The following FBH1 variants were observed in gnomAD, a reference collection of about 807,000 sequenced individuals.
FBH1 encodes the protein DNA 3'-5' helicase 1.
FBH1 carries 43 observed loss-of-function variants against 115.5 expected under a neutral mutation model. That is an observed-to-expected ratio of 0.37 (90% CI 0.29 to 0.48). FBH1 has a LOEUF of 0.48. Among genes scored for constraint, FBH1 ranks in the 20% least tolerant of loss-of-function variants. The probability of loss-of-function intolerance (pLI) is 0.99; values close to 1 mark genes in which losing one functional copy is unlikely to be tolerated. For synonymous variants in FBH1, 524 were observed against 507.8 expected (o/e 1.03, Z -0.43); for missense variants, 1,001 against 1,337.3 (o/e 0.75, Z 3.92).
chr10:5,893,123 C>T (rs1203733639), intron 1 of FBH1, among the ~76,000 whole-genome samples: 6 of 152,142 alleles, frequency 3.9e-5, no homozygotes, highest in African/African-American at 1.4e-4. Flanking sequence ...CTGGGCAACA[C>T]GGTGAAATCC....
intron 18 of FBH1, among the ~76,000 whole-genome samples, chr10:5,927,220 A>T (rs1158423016): frequency 6.6e-6 from 1 of 152,232 alleles, no homozygotes; most frequent in African/African-American, 2.4e-5. Context: ...AGCAGGACTA[A>T]ATAAAACCCG....
In FBH1 at chr10:5,918,485, G is replaced by A. The variant is rs772562505; in HGVS notation, c.2100+7G>A. 13 of 1,586,612 alleles carry A rather than the reference G, an allele frequency of 8.2e-6. No homozygotes were observed. The highest frequency in any genetic ancestry group is 8.5e-6 in the Non-Finnish European group (10 of 1,169,960). On this transcript the variant is annotated splice_region_variant and intron_variant, in intron 13 of 20. Coordinates refer to ENST00000362091, the MANE Select transcript of FBH1 (RefSeq NM_178150.3). This position sits in a 1 kb window ranked among gnomAD's most constrained non-coding sequence, Gnocchi z 4.0. ...CGTCTTCTATCTCACGCAGGTAAGT[G>A]CGCACTCTGCATGGGAGGCATTGCA...
In FBH1 at chr10:5,924,229, A is replaced by C; in HGVS notation, c.2399-82A>C. The C allele has an allele frequency of 7.2e-7, 1 of 1,395,386 alleles. No homozygotes were observed. Among genetic ancestry groups the C allele is most frequent in the South Asian group, 1.2e-5 (1 of 83,702 alleles). The allele number at this position is 1,395,386 out of a possible 1,614,324, so 86.4% of individuals were successfully genotyped here. A position where few individuals can be genotyped will look rare whatever the true frequency, so the allele number is the denominator to read the frequency against. ...ACTTTAAGACCATCTGCTCTTGCGC[A>C]GCTGCTTAGGAACGTGCAGCACCTG... On this transcript the variant is annotated intron_variant, in intron 16 of 20. Coordinates refer to ENST00000362091, the MANE Select transcript of FBH1 (RefSeq NM_178150.3). This position sits in a 1 kb window ranked among gnomAD's most constrained non-coding sequence, Gnocchi z 6.2.
In FBH1 at chr10:5,917,356, G is replaced by A; in HGVS notation, c.1789-64G>A. 1 of 1,383,134 alleles carries A rather than the reference G, an allele frequency of 7.2e-7. No homozygotes were observed. Among genetic ancestry groups the A allele is most frequent in the Non-Finnish European group, 1.0e-6 (1 of 979,166 alleles). 85.7% of individuals were successfully genotyped at this position (1,383,134 alleles called of 1,614,324 possible). A position where few individuals can be genotyped will look rare whatever the true frequency, so the allele number is the denominator to read the frequency against. ...ACTGCTGTATGGGAGTTGACAGTGT[G>A]ACCGCAGGGTGCTGCCTTTGCCAGG... On this transcript the variant is annotated intron_variant, in intron 10 of 20. Coordinates refer to ENST00000362091, the MANE Select transcript of FBH1 (RefSeq NM_178150.3). The surrounding 1 kb of genome is among the most constrained non-coding windows in gnomAD (Gnocchi z 5.6).
rs144061525 is a variant in FBH1 at position 5,910,075 on chromosome 10, A to G, written c.1020+781A>G. On this transcript the variant is annotated intron_variant, in intron 5 of 20. Coordinates refer to ENST00000362091, the MANE Select transcript of FBH1 (RefSeq NM_178150.3). The surrounding 1 kb of genome is among the most constrained non-coding windows in gnomAD (Gnocchi z 4.8). ...GGCGGGTGGATCACCTGAGGTCAGG[A>G]GTTCGAGACCAGCCTGGCCAACATG... Among the ~76,000 whole-genome samples, 2,969 of 152,234 alleles carry G rather than the reference A, an allele frequency of 0.02. 83 individuals are homozygous for G. The highest frequency in any genetic ancestry group is 0.068 in the African/African-American group (2,826 of 41,528).
rs74622161 is a variant in FBH1, at chr10:5,904,176, C to T, written c.157+1001C>T. ...CTCCCAAGTAGCTGGGACTTACAGG[C>T]GCGCGCCACCATGCCTAGCTAATTT... On this transcript the variant is annotated intron_variant, in intron 2 of 20. Coordinates refer to ENST00000362091, the MANE Select transcript of FBH1 (RefSeq NM_178150.3). 5.3e-4 allele frequency among the ~76,000 whole-genome samples: 81 copies of T among 151,964 alleles called. No homozygotes were observed. In the East Asian group the frequency reaches 6.2e-3, roughly 12 times the overall value.
At chr10:5,926,916 A>G (rs1358903681) in intron 18 of FBH1, among the ~76,000 whole-genome samples, 1 of 152,250 alleles carries the variant, frequency 6.6e-6, no homozygotes, top group Non-Finnish European at 1.5e-5. Context: ...CACAGCACAT[A>G]GCACACCTGT....
At chr10:5,894,161 TG>T (rs1288299212) in intron 1 of FBH1, 1 of 985,316 alleles carries the variant, frequency 1.0e-6, no homozygotes, top group East Asian at 1.1e-4. Flanking sequence ...AGTGAATACC[TG>T]GGAAAGGAGC....
At position 5,917,744 on chromosome 10, in the gene FBH1, A is replaced by G; in HGVS notation, c.1963+68A>G. ...AACAGCGCCATGATTATGTAAGAGG[A>G]CACCTGTGTGAACTAAGTTGATTAT... On this transcript the variant is annotated intron_variant, in intron 12 of 20. Transcript: ENST00000362091. The surrounding 1 kb of genome is among the most constrained non-coding windows in gnomAD (Gnocchi z 5.6). 3 of 1,178,896 alleles carry G rather than the reference A, an allele frequency of 2.5e-6. No individual in the cohort carries two copies. Among genetic ancestry groups the G allele is most frequent in the Non-Finnish European group, 3.7e-6 (3 of 802,134 alleles). 73.0% of individuals were successfully genotyped at this position (1,178,896 alleles called of 1,614,324 possible). A position where few individuals can be genotyped will look rare whatever the true frequency, so the allele number is the denominator to read the frequency against.
chr10:5,905,782 G>A (rs763682481), intron 2 of FBH1, among the ~76,000 whole-genome samples: 1 of 152,162 alleles, frequency 6.6e-6, no homozygotes, highest in Non-Finnish European at 1.5e-5. Context: ...TTACTGCAGG[G>A]AGTATTGCTG....
rs1302687176 is a variant in FBH1, at chr10:5,921,165, G to A, written c.2101-93G>A. The A allele has an allele frequency of 1.4e-5, 17 of 1,224,806 alleles. No individual in the cohort carries two copies. The East Asian group carries it at 3.8e-4, about 27-fold the overall frequency. The allele number at this position is 1,224,806 out of a possible 1,614,324, so 75.9% of individuals were successfully genotyped here. Reference sequence around the variant, plus strand: ...GCGGGGGGTCAGGAACAACTTGTAGGGTCTGGCCCGGCCAGGCTGTGGCAG... The same window carrying A: ...GCGGGGGGTCAGGAACAACTTGTAGAGTCTGGCCCGGCCAGGCTGTGGCAG... On this transcript the variant is annotated intron_variant, in intron 13 of 20. Coordinates refer to ENST00000362091, the MANE Select transcript of FBH1 (RefSeq NM_178150.3). The surrounding 1 kb of genome is among the most constrained non-coding windows in gnomAD (Gnocchi z 6.4).
In FBH1 at chr10:5,911,003, G is replaced by A. The variant is rs202091274; in HGVS notation, c.1086G>A (p.Gln362=). The A allele has an allele frequency of 1.2e-6, 2 of 1,612,720 alleles. No individual in the cohort carries two copies. Among genetic ancestry groups the A allele is most frequent in the Non-Finnish European group, 1.7e-6 (2 of 1,180,008 alleles). ...TCTCCAGCAGTGTGAATGACATCCA[G>A]CGACTGCTCTTCTGCCTCCGGAGAC... ...VLLSSSVNDI[Q]RLLFCLRRPS... The change falls in exon 6 of 21, where the codon CAG becomes CAA. Residue 362 remains glutamine (Q), a synonymous_variant. Transcript: ENST00000362091. This position sits in a 1 kb window ranked among gnomAD's most constrained non-coding sequence, Gnocchi z 5.4.
At chr10:5,926,931 C>T (rs11255974) in intron 18 of FBH1, among the ~76,000 whole-genome samples, 43,917 of 152,174 alleles carry the variant, frequency 0.29, 6,906 homozygotes, top group Middle Eastern at 0.35. Context: ...ACCTGTGTGT[C>T]TTCCTTGTTG....
At chr10:5,904,034 A>G (rs930422184) in intron 2 of FBH1, among the ~76,000 whole-genome samples, 3 of 151,960 alleles carry the variant, frequency 2.0e-5, no homozygotes, top group Admixed American at 1.3e-4. Flanking sequence ...TAATTTCAGA[A>G]TTCAACTCAA....
At position 5,903,164 on chromosome 10, in the gene FBH1, G is replaced by C. The variant is rs769430099; in HGVS notation, c.146G>C (p.Arg49Thr). 1 of 1,611,394 alleles carries C rather than the reference G, an allele frequency of 6.2e-7. No individual in the cohort carries two copies. The highest frequency in any genetic ancestry group is 1.1e-5 in the South Asian group (1 of 90,344). The stretch of plus-strand genomic sequence containing the variant: ...CTCTATCCTAAACCGAGAACAAAAA[G>C]AGGGAGTAGGGGTATGTCTCCTCTA... ...HGLYPKPRTKRGSRGQGSQRC... is the reference protein window; with the variant it reads ...HGLYPKPRTKTGSRGQGSQRC... The change falls in exon 2 of 21, where the codon AGA (arginine) becomes ACA (threonine). Residue 49 changes from arginine (R) to threonine (T), a missense_variant. By Grantham distance (71) the Arg-to-Thr change is moderately conservative (BLOSUM62 -1). Coordinates refer to ENST00000362091, the MANE Select transcript of FBH1 (RefSeq NM_178150.3).
Position 5,935,182 on chromosome 10 carries a change from C to T in FBH1, c.2830-1274C>T. 1 of 152,182 alleles carries T rather than the reference C, an allele frequency of 6.6e-6. No individual in the cohort carries two copies. Among genetic ancestry groups the T allele is most frequent in the East Asian group, 1.9e-4 (1 of 5,198 alleles). The allele number at this position is 152,182 out of a possible 1,614,324, so 9.4% of individuals were successfully genotyped here. On this transcript the variant is annotated intron_variant, in intron 19 of 20. Coordinates refer to ENST00000362091, the MANE Select transcript of FBH1 (RefSeq NM_178150.3). The surrounding 1 kb of genome is among the most constrained non-coding windows in gnomAD (Gnocchi z 5.2). ...ACTGCGTCAAAAACGGCTTGAGAGC[C>T]TAGCCCTGGAGAAACTTCTGGAGTG...
At position 5,915,203 on chromosome 10, in the gene FBH1, A is replaced by C. The variant is rs906538636; in HGVS notation, c.1397-200A>C. On this transcript the variant is annotated intron_variant, in intron 8 of 20. Coordinates refer to ENST00000362091, the MANE Select transcript of FBH1 (RefSeq NM_178150.3). The surrounding 1 kb of genome is among the most constrained non-coding windows in gnomAD (Gnocchi z 5.2). ...TTGCCCCTCGGCTGGAGCCTGCCCC[A>C]GCTGAGATCCCAGCCCACCTTCACC... is the stretch of plus-strand genomic sequence containing the variant. Among the ~76,000 whole-genome samples the C allele has an allele frequency of 2.6e-5, 4 of 152,138 alleles. No homozygotes were observed. The highest frequency in any genetic ancestry group is 4.4e-5 in the Non-Finnish European group (3 of 68,018).
chr10:5,891,080 G>A, intron 1 of FBH1: 1 of 888,832 alleles, frequency 1.1e-6, no homozygotes, highest in African/African-American at 1.8e-5. Context: ...GGAAGTGGAG[G>A]CCTAACCAAG....
At position 5,913,664 on chromosome 10, in the gene FBH1, AG is replaced by A; in HGVS notation, c.1212-82del. Reference sequence around the variant, plus strand: ...TATTTTCTTTTTAGAAATGGGAAGGAGTTTAAATCCATCTGAGGAAAAATAA... The same window carrying A: ...TATTTTCTTTTTAGAAATGGGAAGGATTTAAATCCATCTGAGGAAAAATAA... On this transcript the variant is annotated intron_variant, in intron 6 of 20. Transcript: ENST00000362091. This position sits in a 1 kb window ranked among gnomAD's most constrained non-coding sequence, Gnocchi z 4.4. 1.1e-6 allele frequency: 1 copy of A among 897,782 alleles called. No homozygotes were observed. The highest frequency in any genetic ancestry group is 1.7e-6 in the Non-Finnish European group (1 of 596,818). 55.6% of individuals were successfully genotyped at this position (897,782 alleles called of 1,614,324 possible). A position where few individuals can be genotyped will look rare whatever the true frequency, so the allele number is the denominator to read the frequency against.
Sources: allele counts gnomAD v4.1 joint callset (sites outside exome capture counted in the v4.1 genomes callset), GRCh38; gene constraint gnomAD v4.1.1; non-coding constraint Gnocchi (gnomAD v3.1); transcripts MANE v1.5; gene names NCBI Gene and HGNC (gene_info 2026-07-23, HGNC 2026-07-21).